PRP4K: variants seen among roughly 807,000 people sequenced by gnomAD.
PRP4K encodes the protein serine/threonine-protein kinase PRP4 homolog.
the PRP4K span, chr6:4,037,302 C>G: frequency 8.7e-7 from 1 of 1,147,818 alleles, no homozygotes; most frequent in Non-Finnish European, 1.2e-6. Flanking sequence ...TTTCTTTAGG[C>G]TAATGTGCCT....
chr6:4,035,714 TC>T, the PRP4K span, among the ~76,000 whole-genome samples: 1 of 152,136 alleles, frequency 6.6e-6, no homozygotes, highest in Non-Finnish European at 1.5e-5. Context: ...ACGCCTGTGT[TC>T]CAGCACTTTG....
chr6:4,021,598 G>C, the PRP4K span: 2 of 1,275,168 alleles, frequency 1.6e-6, no homozygotes, highest in Non-Finnish European at 2.2e-6. Flanking sequence ...GATTCGTTGT[G>C]GGGTGGGAGG....
At chr6:4,059,633 G>A in the PRP4K span, among the ~76,000 whole-genome samples, 2 of 97,398 alleles carry the variant, frequency 2.1e-5, no homozygotes, top group African/African-American at 8.7e-5. Context: ...TGCTAACTTG[G>A]AGTTGACTTT....
At chr6:4,058,208 GT>G in the PRP4K span, among the ~76,000 whole-genome samples, 1 of 152,154 alleles carries the variant, frequency 6.6e-6, no homozygotes, top group Non-Finnish European at 1.5e-5. Context: ...TAGAGATGGA[GT>G]TTCACTATGT....
the PRP4K span, chr6:4,051,920 A>G: frequency 2.2e-6 from 3 of 1,364,988 alleles, no homozygotes; most frequent in South Asian, 4.2e-5. Context: ...AATTCTGTAT[A>G]TATTCAATTT....
At chr6:4,049,685 T>C in the PRP4K span, 1 of 1,542,320 alleles carries the variant, frequency 6.5e-7, no homozygotes, top group South Asian at 1.1e-5. Context: ...ACTTTCTGAT[T>C]CTATTTATTA....
chr6:4,041,753 C>G, the PRP4K span, among the ~76,000 whole-genome samples: 1 of 152,070 alleles, frequency 6.6e-6, no homozygotes, highest in African/African-American at 2.4e-5. Flanking sequence ...CACACACACA[C>G]ACAAAAAGAA....
the PRP4K span, chr6:4,040,775 C>T: frequency 1.9e-6 from 3 of 1,612,838 alleles, no homozygotes; most frequent in Non-Finnish European, 2.5e-6. Context: ...TAAATAGGGA[C>T]AGAGGTCGGA....
chr6:4,049,796 A>G, the PRP4K span: 1 of 1,613,942 alleles, frequency 6.2e-7, no homozygotes, highest in Non-Finnish European at 8.5e-7. Flanking sequence ...GGCAAGGTGT[A>G]TTCAGTAATG....
At chr6:4,048,353 T>C in the PRP4K span, among the ~76,000 whole-genome samples, 1 of 132,506 alleles carries the variant, frequency 7.5e-6, no homozygotes, top group East Asian at 2.1e-4. Flanking sequence ...CACTCCAGCC[T>C]GGGCGACAAA....
At chr6:4,049,989 A>T in the PRP4K span, 2 of 1,216,804 alleles carry the variant, frequency 1.6e-6, no homozygotes, top group Non-Finnish European at 2.2e-6. Context: ...TAAAACAAGT[A>T]TTGCAATTAT....
At chr6:4,059,008 T>G in the PRP4K span, 1 of 501,068 alleles carries the variant, frequency 2.0e-6, no homozygotes. Flanking sequence ...TCTAGCATAA[T>G]TAATTTATTT....
the PRP4K span, among the ~76,000 whole-genome samples, chr6:4,030,385 T>C: frequency 6.6e-6 from 1 of 152,320 alleles, no homozygotes; most frequent in East Asian, 1.9e-4. Flanking sequence ...GTATATAATA[T>C]GAAGACCTGA....
At chr6:4,025,857 G>A in the PRP4K span, among the ~76,000 whole-genome samples, 1 of 152,174 alleles carries the variant, frequency 6.6e-6, no homozygotes, top group African/African-American at 2.4e-5. Context: ...TGAATATCAC[G>A]CAGTCAGAAA....
chr6:4,025,780 A>G, the PRP4K span, among the ~76,000 whole-genome samples: 1 of 152,210 alleles, frequency 6.6e-6, no homozygotes, highest in Admixed American at 6.5e-5. Context: ...AATTGTTAGC[A>G]TTAGAAAAGA....
chr6:4,058,880 C>G, the PRP4K span: 3 of 1,260,742 alleles, frequency 2.4e-6, no homozygotes, highest in Non-Finnish European at 3.3e-6. Flanking sequence ...ATCATACGAG[C>G]TGGTGAATTA....
At chr6:4,027,607 GT>G in the PRP4K span, among the ~76,000 whole-genome samples, 1,295 of 94,228 alleles carry the variant, frequency 0.014, 6 homozygotes, top group Middle Eastern at 0.027. Context: ...GGGTGGGGGG[GT>G]GGGGTGGGGG....
chr6:4,031,542 G>A, the PRP4K span: 13 of 1,452,704 alleles, frequency 8.9e-6, no homozygotes, highest in Non-Finnish European at 1.2e-5. Flanking sequence ...TTTAAAATGT[G>A]TTTGATATAT....
the PRP4K span, among the ~76,000 whole-genome samples, chr6:4,027,647 A>G: frequency 6.8e-6 from 1 of 147,556 alleles, no homozygotes; most frequent in African/African-American, 2.5e-5. Context: ...TGTCATAAGC[A>G]TTTAACATCT....
Sources: allele counts gnomAD v4.1 joint callset (sites outside exome capture counted in the v4.1 genomes callset), GRCh38; gene constraint gnomAD v4.1.1; transcripts MANE v1.5; gene names NCBI Gene and HGNC (gene_info 2026-07-23, HGNC 2026-07-21).